Variants in KMT2E observed in about 807,000 individuals in gnomAD.
KMT2E encodes lysine methyltransferase 2E (inactive).
In KMT2E, 30 loss-of-function variants were observed where a neutral mutation model predicts 184.6. The observed-to-expected ratio is 0.16, with a 90% CI of 0.12 to 0.22. KMT2E has a LOEUF of 0.22. Ranked by LOEUF, KMT2E falls within the 10% of genes least tolerant of loss-of-function variation. The probability of loss-of-function intolerance (pLI) is 1.00; values close to 1 mark genes in which losing one functional copy is unlikely to be tolerated. For missense variants in KMT2E, 2,023 were observed against 2,237.4 expected (o/e 0.90, Z 1.93); for synonymous variants, 815 against 776.5 (o/e 1.05, Z -0.82).
chr7:105,113,140 T>G lies in KMT2E; in HGVS notation c.5384T>G (p.Leu1795Arg). 4 of 1,614,162 alleles carry G rather than the reference T, an allele frequency of 2.5e-6. No individual in the cohort carries two copies. Among genetic ancestry groups the G allele is most frequent in the Non-Finnish European group, 3.4e-6 (4 of 1,180,030 alleles). ...CCATTACCTGTCACAGGTCCTCATC[T>G]CCAGCCCCAAGGACCAAACAGTATT... ...HCPLPVTGPH[L>R]QPQGPNSIPT... The change falls in exon 27 of 27, where the codon CTC becomes CGC. Residue 1795 changes from leucine (L) to arginine (R), a missense_variant. Physicochemically the swap from Leu to Arg is moderately radical, Grantham distance 102 (BLOSUM62 -2). Around this residue, in one of 8 missense-constraint regions of KMT2E, gnomAD observed 1,108 missense variants for 1,050.9 expected, o/e 1.05. Coordinates refer to ENST00000311117, the MANE Select transcript of KMT2E (RefSeq NM_182931.3).
At chr7:105,029,769 T>C (rs1025068712) in intron 1 of KMT2E, among the ~76,000 whole-genome samples, 3 of 151,768 alleles carry the variant, frequency 2.0e-5, no homozygotes, top group East Asian at 1.9e-4. Context: ...GATATAGATA[T>C]ACATCCAATA....
At chr7:105,038,950 G>A (rs1001381144) in intron 2 of KMT2E, among the ~76,000 whole-genome samples, 8 of 152,108 alleles carry the variant, frequency 5.3e-5, no homozygotes, top group Non-Finnish European at 1.0e-4. Context: ...CAAATTCAGA[G>A]TCTGCAGTTC....
intron 8 of KMT2E, among the ~76,000 whole-genome samples, chr7:105,075,726 G>C (rs892073901): frequency 6.6e-6 from 1 of 151,514 alleles, no homozygotes; most frequent in Non-Finnish European, 1.5e-5. Flanking sequence ...GCCCAGGCTG[G>C]AGTGCAGTGG....
Position 105,107,712 on chromosome 7 carries a change from G to C in KMT2E, c.3255G>C (p.Arg1085Ser), listed in dbSNP as rs1356370192. The change falls in exon 22 of 27, where the codon AGG becomes AGC. Residue 1085 changes from arginine (R) to serine (S), a missense_variant. By Grantham distance (110) the Arg-to-Ser change is moderately radical. Around this residue, in one of 8 missense-constraint regions of KMT2E, gnomAD observed 1,108 missense variants for 1,050.9 expected, o/e 1.05. Transcript: ENST00000311117. ...ACTTCTCAGTGAACTCCAACTTGAG[G>C]GACCTGACACCCTCGCATCAGTTGG... is the stretch of plus-strand genomic sequence containing the variant. ...GVNFSVNSNL[R>S]DLTPSHQLEV... The C allele has an allele frequency of 6.2e-7, 1 of 1,614,024 alleles. No individual in the cohort carries two copies. The highest frequency in any genetic ancestry group is 8.5e-7 in the Non-Finnish European group (1 of 1,180,038).
chr7:105,069,787 G>T (rs1176632101), intron 6 of KMT2E, among the ~76,000 whole-genome samples: 5 of 152,126 alleles, frequency 3.3e-5, no homozygotes, highest in African/African-American at 1.2e-4. Context: ...TCCTGTCACT[G>T]CCAGGAGTCA....
At chr7:105,032,339 G>A (rs938634470) in intron 1 of KMT2E, among the ~76,000 whole-genome samples, 1 of 152,092 alleles carries the variant, frequency 6.6e-6, no homozygotes, top group Non-Finnish European at 1.5e-5. Context: ...AGCTTCTTGG[G>A]AAGCTGAGGC....
rs889843922 is a variant in KMT2E, at chr7:105,052,786, G to A, written c.72-9378G>A. 9.3e-5 allele frequency among the ~76,000 whole-genome samples: 14 copies of A among 150,534 alleles called. No individual in the cohort carries two copies. The East Asian group carries it at 1.8e-3, about 19-fold the overall frequency. On this transcript the variant is annotated intron_variant, in intron 3 of 26. Coordinates refer to ENST00000311117, the MANE Select transcript of KMT2E (RefSeq NM_182931.3). ...GTAGAGATGGGGTTTCACTATGTTC[G>A]CCAGACTGGTCTCGAACACCCGACC...
chr7:105,110,516 T>C lies in KMT2E; in HGVS notation c.3884T>C (p.Val1295Ala), dbSNP rs1799181621. 6.2e-7 allele frequency: 1 copy of C among 1,614,074 alleles called. No homozygotes were observed. Among genetic ancestry groups the C allele is most frequent in the Non-Finnish European group, 8.5e-7 (1 of 1,180,034 alleles). The change falls in exon 25 of 27, where the codon GTT (valine) becomes GCT (alanine). Residue 1295 changes from valine (V) to alanine (A), a missense_variant. This residue lies in a region of KMT2E where 1,108 missense variants were observed against 1,050.9 expected (regional missense o/e 1.05). Transcript: ENST00000311117. Reference sequence around the variant, plus strand: ...TGTGTCTCATGTTCACCGAGTCATGTTCAGTCTTCACCTTCATCTCATTCA... The same window carrying C: ...TGTGTCTCATGTTCACCGAGTCATGCTCAGTCTTCACCTTCATCTCATTCA... ...SPCVSCSPSH[V>A]QSSPSSHSNH...
intron 1 of KMT2E, among the ~76,000 whole-genome samples, chr7:105,029,086 G>A (rs929977708): frequency 6.6e-6 from 1 of 152,070 alleles, no homozygotes; most frequent in Non-Finnish European, 1.5e-5. Context: ...CCAACATAGG[G>A]AAACCCCGTC....
chr7:105,075,961 G>A, intron 8 of KMT2E, 82 bp from the exon 9 acceptor site: 1 of 1,123,954 alleles, frequency 8.9e-7, no homozygotes, highest in Non-Finnish European at 1.3e-6. Context: ...TCAGTTAAAA[G>A]TTTCAATGAA....
intron 8 of KMT2E, among the ~76,000 whole-genome samples, chr7:105,075,188 C>CTT (rs34014525): frequency 3.6e-5 from 5 of 140,622 alleles, no homozygotes; most frequent in East Asian, 4.0e-4. Context: ...TCTTTGCCTC[C>CTT]TTTTTTTTTT....
At chr7:105,058,290 A>C (rs1796654080) in intron 3 of KMT2E, among the ~76,000 whole-genome samples, 1 of 152,168 alleles carries the variant, frequency 6.6e-6, no homozygotes, top group East Asian at 1.9e-4. Context: ...CTTATCACAT[A>C]GCATTAGGAG....
chr7:105,040,724 C>G (rs1417253225), intron 2 of KMT2E, 115 bp from the exon 3 acceptor site: 6 of 340,696 alleles, frequency 1.8e-5, no homozygotes, highest in Non-Finnish European at 3.2e-5. Context: ...ATGAGAGAGA[C>G]TCTAAGCAAA....
intron 22 of KMT2E, among the ~76,000 whole-genome samples, chr7:105,108,357 T>G (rs1799004168): frequency 6.6e-6 from 1 of 152,230 alleles, no homozygotes; most frequent in Non-Finnish European, 1.5e-5. Context: ...GTGTTTTTAT[T>G]TTACTAATAG....
At chr7:105,023,714 G>A (rs1584689208) in intron 1 of KMT2E, among the ~76,000 whole-genome samples, 2 of 152,018 alleles carry the variant, frequency 1.3e-5, no homozygotes, top group Non-Finnish European at 2.9e-5. Context: ...CAAAGTGCTG[G>A]GATTACAGGC....
intron 1 of KMT2E, among the ~76,000 whole-genome samples, chr7:105,034,680 A>AACAATTTTATCACCACAAGGAT (rs1795558460): frequency 6.6e-6 from 1 of 151,784 alleles, no homozygotes; most frequent in Admixed American, 6.6e-5. Flanking sequence ...TAAGGTATAG[A>AACAATTTTATCACCACAAGGAT]ACAATTTTAT....
chr7:105,111,198 A>G (rs1298651883), intron 26 of KMT2E: 1 of 220,672 alleles, frequency 4.5e-6, no homozygotes, highest in Non-Finnish European at 8.8e-6. Flanking sequence ...TCTAAAAACA[A>G]AAGGTCATTT....
At chr7:105,051,004 G>A (rs1232897868) in intron 3 of KMT2E, among the ~76,000 whole-genome samples, 2 of 151,740 alleles carry the variant, frequency 1.3e-5, no homozygotes, top group Admixed American at 6.6e-5. Context: ...TGGATTTACA[G>A]GCATGAGTCA....
rs909031704 is a variant in KMT2E at position 105,014,267 on chromosome 7, C to G, written c.-457C>G. On this transcript the variant is annotated 5_prime_UTR_variant, in exon 1 of 27. Coordinates refer to ENST00000311117, the MANE Select transcript of KMT2E (RefSeq NM_182931.3). ...CCGAGTCGGAGACCGTGCCGGAGTT[C>G]GGGAGCGGCAACAGAGTGGGCATAG... 1.2e-5 allele frequency: 2 copies of G among 173,766 alleles called. No homozygotes were observed. Among genetic ancestry groups the G allele is most frequent in the African/African-American group, 4.8e-5 (2 of 41,580 alleles). 10.8% of individuals were successfully genotyped at this position (173,766 alleles called of 1,614,324 possible).
Sources: allele counts gnomAD v4.1 joint callset (sites outside exome capture counted in the v4.1 genomes callset), GRCh38; gene constraint gnomAD v4.1.1; regional missense constraint gnomAD v4.1.1; transcripts MANE v1.5; gene names NCBI Gene and HGNC (gene_info 2026-07-23, HGNC 2026-07-21).